ZNF362: variants seen among roughly 807,000 people sequenced by gnomAD.
ZNF362 encodes rotund homolog.
ZNF362 carries 11 observed loss-of-function variants against 42.9 expected under a neutral mutation model. The observed-to-expected ratio is 0.26, with a 90% CI of 0.16 to 0.42. The LOEUF is 0.42. Ranked by LOEUF, ZNF362 falls within the 20% of genes least tolerant of loss-of-function variation. ZNF362 has a pLI of 1.00. For synonymous variants in ZNF362, 255 were observed against 257.3 expected, an observed-to-expected ratio of 0.99 and a Z score of 0.09; for missense variants, 362 against 576.2, an observed-to-expected ratio of 0.63 and a Z score of 3.81.
chr1:33,129,832 G>T, the ZNF362 span, among the ~76,000 whole-genome samples: 2 of 152,144 alleles, frequency 1.3e-5, no homozygotes, highest in African/African-American at 4.8e-5. The surrounding 1 kb of genome is among the most constrained non-coding windows in gnomAD (Gnocchi z 4.1). Flanking sequence ...TTCTGAGCGG[G>T]GGAGAGAGGA....
chr1:33,181,570 G>C, the ZNF362 span: 1 of 1,387,714 alleles, frequency 7.2e-7, no homozygotes, highest in South Asian at 1.5e-5. The surrounding 1 kb of genome is among the most constrained non-coding windows in gnomAD (Gnocchi z 6.5). Context: ...CCGGAGAAGG[G>C]AGGGGGTGCT....
chr1:33,241,416 A>C, the ZNF362 span, among the ~76,000 whole-genome samples: 11 of 151,294 alleles, frequency 7.3e-5, no homozygotes, highest in African/African-American at 2.7e-4. Flanking sequence ...AATCTCTTCT[A>C]CCTGTGGGGG....
Position 33,281,488 on chromosome 1 carries a change from G to GC in ZNF362, c.684-99_684-98insC. On this transcript the variant is annotated intron_variant, in intron 5 of 8. Coordinates refer to ENST00000539719, the MANE Select transcript of ZNF362 (RefSeq NM_152493.3). The surrounding 1 kb of genome is among the most constrained non-coding windows in gnomAD (Gnocchi z 4.8). ...TGCTTCTTGGGCTCATCACAGGAAA[G>GC]ACCTGTCCCAGGTGCAAGGTCTCTC... is the stretch of plus-strand genomic sequence containing the variant. 8.5e-7 allele frequency: 1 copy of GC among 1,174,286 alleles called. No homozygotes were observed. Among genetic ancestry groups the GC allele is most frequent in the Non-Finnish European group, 1.2e-6 (1 of 806,392 alleles). The allele number at this position is 1,174,286 out of a possible 1,614,324, so 72.7% of individuals were successfully genotyped here. A position where few individuals can be genotyped will look rare whatever the true frequency, so the allele number is the denominator to read the frequency against.
At chr1:33,189,671 A>ATATACG in the ZNF362 span, among the ~76,000 whole-genome samples, 1 of 105,044 alleles carries the variant, frequency 9.5e-6, no homozygotes, top group Admixed American at 1.0e-4. Context: ...ATATATATAT[A>ATATACG]TGTATATATA....
chr1:33,297,375 A>G (rs1041376313), intron 8 of ZNF362, among the ~76,000 whole-genome samples: 4 of 152,218 alleles, frequency 2.6e-5, no homozygotes, highest in African/African-American at 7.2e-5. Flanking sequence ...TTTTTTGAGC[A>G]TATCCACAAT....
intron 3 of ZNF362, 44 bp from the exon 4 acceptor site, chr1:33,276,304 G>C: frequency 6.5e-7 from 1 of 1,539,668 alleles, no homozygotes. Flanking sequence ...GCAAGGGGCG[G>C]GAGGTGGTCC....
the ZNF362 span, among the ~76,000 whole-genome samples, chr1:33,177,136 C>T: frequency 0.69 from 104,504 of 151,772 alleles, 36,408 homozygotes; most frequent in Non-Finnish European, 0.74. This position sits in a 1 kb window ranked among gnomAD's most constrained non-coding sequence, Gnocchi z 4.1. Flanking sequence ...TGCACACACA[C>T]GCACATGCAC....
intron 1 of ZNF362, among the ~76,000 whole-genome samples, chr1:33,267,239 C>A (rs1446717238): frequency 1.3e-5 from 2 of 152,190 alleles, no homozygotes; most frequent in African/African-American, 4.8e-5. Flanking sequence ...CATAAGAATA[C>A]TCTTCCAGGC....
At chr1:33,294,000 T>A (rs1460106723) in intron 6 of ZNF362, among the ~76,000 whole-genome samples, 2 of 152,236 alleles carry the variant, frequency 1.3e-5, no homozygotes, top group African/African-American at 4.8e-5. Flanking sequence ...CAGAACTTAC[T>A]ACCTTCTACA....
the ZNF362 span, among the ~76,000 whole-genome samples, chr1:33,177,055 A>ATG: frequency 1.1e-4 from 10 of 87,888 alleles, no homozygotes; most frequent in South Asian, 3.8e-4. The surrounding 1 kb of genome is among the most constrained non-coding windows in gnomAD (Gnocchi z 4.1). Flanking sequence ...ACACACGCAC[A>ATG]CACACACACA....
the ZNF362 span, among the ~76,000 whole-genome samples, chr1:33,194,032 C>T: frequency 1.3e-5 from 2 of 151,436 alleles, no homozygotes; most frequent in Non-Finnish European, 2.9e-5. Context: ...AATTAGGAAT[C>T]GAAGACATAA....
the ZNF362 span, among the ~76,000 whole-genome samples, chr1:33,132,154 A>G: frequency 6.6e-6 from 1 of 152,180 alleles, no homozygotes; most frequent in African/African-American, 2.4e-5. Context: ...TCCAGCTGCT[A>G]CGGCTATGGG....
At position 33,280,316 on chromosome 1, in the gene ZNF362, G is replaced by A; in HGVS notation, c.542G>A (p.Gly181Asp). Residue 181 changes from glycine (G) to aspartate (D), a missense_variant, in exon 5 of 9, where the codon GGC (glycine) becomes GAC (aspartate). Gly to Asp is a moderately conservative substitution (Grantham distance 94). Transcript: ENST00000539719. This position sits in a 1 kb window ranked among gnomAD's most constrained non-coding sequence, Gnocchi z 5.6. ...PLLDSIKTIQ[G>D]HGLLGPPKSE... is the part of the protein sequence containing the mutation. ...CTGGACTCCATCAAGACAATCCAGG[G>A]CCACGGCCTGCTTGGCCCCCCCAAG... 6.2e-7 allele frequency: 1 copy of A among 1,614,022 alleles called. No individual in the cohort carries two copies.
chr1:33,174,975 A>ACATG, the ZNF362 span, among the ~76,000 whole-genome samples: 33 of 136,042 alleles, frequency 2.4e-4, no homozygotes, highest in African/African-American at 9.5e-4. Context: ...ATATACACAC[A>ACATG]TATACATATA....
At chr1:33,174,370 G>T in the ZNF362 span, among the ~76,000 whole-genome samples, 1 of 152,106 alleles carries the variant, frequency 6.6e-6, no homozygotes, top group Non-Finnish European at 1.5e-5. Flanking sequence ...TTTTTATAGA[G>T]ATAGGGTTTT....
At position 33,266,917 on chromosome 1, in the gene ZNF362, C is replaced by G. The variant is rs552328495; in HGVS notation, c.-88-3570C>G. ...AGACTGTGGAGTTTGAACTATACCC[C>G]AAAAGTGATGGGAATCCAAGAAGGA... On this transcript the variant is annotated intron_variant, in intron 1 of 8. Coordinates refer to ENST00000539719, the MANE Select transcript of ZNF362 (RefSeq NM_152493.3). This position sits in a 1 kb window ranked among gnomAD's most constrained non-coding sequence, Gnocchi z 4.3. 1.3e-5 allele frequency among the ~76,000 whole-genome samples: 2 copies of G among 152,300 alleles called. No individual in the cohort carries two copies. Among genetic ancestry groups the G allele is most frequent in the South Asian group, 4.1e-4 (2 of 4,828 alleles).
At chr1:33,136,113 CCCTT>C in the ZNF362 span, among the ~76,000 whole-genome samples, 30,628 of 103,114 alleles carry the variant, frequency 0.3, 4,958 homozygotes, top group South Asian at 0.38. Flanking sequence ...CAGGGGCCAG[CCCTT>C]CCTTCCTTCC....
intron 6 of ZNF362, among the ~76,000 whole-genome samples, chr1:33,288,180 G>T (rs1014203243): frequency 6.6e-6 from 1 of 152,154 alleles, no homozygotes; most frequent in Non-Finnish European, 1.5e-5. Context: ...GGCTGAGGGA[G>T]GCAGAGTCAC....
chr1:33,173,688 T>C, the ZNF362 span, among the ~76,000 whole-genome samples: 1 of 151,736 alleles, frequency 6.6e-6, no homozygotes, highest in Non-Finnish European at 1.5e-5. Flanking sequence ...CTTTTTTTTT[T>C]TTTTCCCTAA....
Sources: gnomAD v4.1 joint callset for allele counts (sites outside exome capture counted in the v4.1 genomes callset) on GRCh38, gnomAD v4.1.1 for gene constraint, Gnocchi (gnomAD v3.1) non-coding constraint, MANE v1.5 for transcripts, NCBI Gene and HGNC (gene_info 2026-07-23, HGNC 2026-07-21) for gene names.